DCP1B: variants seen among roughly 807,000 people sequenced by gnomAD.
DCP1B encodes the protein mRNA-decapping enzyme 1B.
A neutral mutation model predicts 60.5 loss-of-function variants in DCP1B; 47 were observed. That is an observed-to-expected ratio of 0.78 (90% CI 0.61 to 0.99). DCP1B has a LOEUF of 0.99. DCP1B is among the 50% of genes least tolerant of loss of function. DCP1B has a pLI of 0.00. For synonymous variants in DCP1B, 267 were observed against 280.3 expected (o/e 0.95, Z 0.47); for missense variants, 725 against 756.8 (o/e 0.96, Z 0.49).
At chr12:1,951,880 A>C (rs1029973610) in intron 7 of DCP1B, among the ~76,000 whole-genome samples, 25 of 152,220 alleles carry the variant, frequency 1.6e-4, no homozygotes, top group African/African-American at 6.0e-4. Context: ...AAGGCAGACC[A>C]TACTAAGTTC....
At chr12:1,983,941 T>G (rs1193852951) in intron 3 of DCP1B, among the ~76,000 whole-genome samples, 4 of 152,088 alleles carry the variant, frequency 2.6e-5, no homozygotes, top group Non-Finnish European at 5.9e-5. Context: ...ATAATTATTA[T>G]GCCTTTTGGA....
chr12:1,978,449 AAAG>A (rs2035091160), intron 3 of DCP1B, among the ~76,000 whole-genome samples: 1 of 152,232 alleles, frequency 6.6e-6, no homozygotes, highest in Non-Finnish European at 1.5e-5. Context: ...TCAGGAAAAT[AAAG>A]AAGGGTAAAA....
At chr12:1,967,623 AAATG>A (rs2031348855) in intron 4 of DCP1B, among the ~76,000 whole-genome samples, 2 of 152,254 alleles carry the variant, frequency 1.3e-5, no homozygotes, top group African/African-American at 4.8e-5. Context: ...ACACAGGAAA[AAATG>A]AATCATTCTA....
At chr12:1,946,413 G>A (rs2030425758) in intron 8 of DCP1B, 127 bp from the exon 9 acceptor site, 1 of 667,312 alleles carries the variant, frequency 1.5e-6, no homozygotes, top group African/African-American at 1.9e-5. Context: ...CTAACAGCTG[G>A]TGGTTTTTAA....
At chr12:1,976,020 C>T (rs1469002675) in intron 3 of DCP1B, among the ~76,000 whole-genome samples, 2 of 152,132 alleles carry the variant, frequency 1.3e-5, no homozygotes, top group Non-Finnish European at 1.5e-5. Flanking sequence ...AATAGAAATA[C>T]GAAATCCAGA....
At chr12:1,982,659 G>T (rs1432621238) in intron 3 of DCP1B, among the ~76,000 whole-genome samples, 4 of 152,224 alleles carry the variant, frequency 2.6e-5, no homozygotes, top group African/African-American at 9.6e-5. Flanking sequence ...TGGCTACTGT[G>T]AATAATGCTA....
chr12:1,970,915 C>T (rs1459395895), intron 3 of DCP1B: 3 of 331,110 alleles, frequency 9.1e-6, no homozygotes, highest in Admixed American at 8.5e-5. Flanking sequence ...AAACTTGCAG[C>T]GATACGATAC....
chr12:1,991,391 T>C (rs1393421785), intron 3 of DCP1B: 2 of 280,506 alleles, frequency 7.1e-6, no homozygotes, highest in Non-Finnish European at 1.4e-5. Context: ...TCAATAGAAA[T>C]ATGAGGGGAA....
At chr12:1,943,867 T>G (rs1294588537), downstream of DCP1B, among the ~76,000 whole-genome samples, 1 of 152,224 alleles carries the variant, frequency 6.6e-6, no homozygotes, top group Non-Finnish European at 1.5e-5. Context: ...GCATTCCCTT[T>G]GAAAACTGGC....
rs183962917 is a variant in DCP1B at position 1,984,751 on chromosome 12, G to A, written c.319+8513C>T. Among the ~76,000 whole-genome samples, 508 of 112,372 alleles carry A rather than the reference G, an allele frequency of 4.5e-3. 4 individuals are homozygous for A. Among genetic ancestry groups the A allele is most frequent in the Middle Eastern group, 8.3e-3 (1 of 120 alleles). The allele number at this position is 112,372 out of a possible 152,430, so 73.7% of individuals were successfully genotyped here. A position where few individuals can be genotyped will look rare whatever the true frequency, so the allele number is the denominator to read the frequency against. The stretch of plus-strand genomic sequence containing the variant: ...CTTCCAGCCTGAAGAATTTCTTTTA[G>A]CATTTATTCTACAGTGGGTCTTCTG... On this transcript the variant is annotated intron_variant, in intron 3 of 8. Transcript: ENST00000280665.
intron 8 of DCP1B, 55 bp from the exon 9 acceptor site, chr12:1,946,341 A>G (rs1278113711): frequency 2.8e-6 from 4 of 1,431,850 alleles, no homozygotes; most frequent in Non-Finnish European, 3.8e-6. Context: ...CAGACACAAA[A>G]GGCTTCCTCT....
chr12:1,946,064 G>T lies in DCP1B; in HGVS notation c.*142C>A, dbSNP rs1407160905. 3.4e-6 allele frequency: 2 copies of T among 595,920 alleles called. No homozygotes were observed. The highest frequency in any genetic ancestry group is 5.5e-6 in the Non-Finnish European group (2 of 360,432). 36.9% of individuals were successfully genotyped at this position (595,920 alleles called of 1,614,324 possible). On this transcript the variant is annotated 3_prime_UTR_variant, in exon 9 of 9. Coordinates refer to ENST00000280665, the MANE Select transcript of DCP1B (RefSeq NM_152640.5). ...AAAAAACACTTGAGTATAAAAAAAA[G>T]TCTGAAACATTTTACTTCATATTAC...
intron 3 of DCP1B, 67 bp downstream of exon 3, chr12:1,993,197 T>G: frequency 6.2e-7 from 1 of 1,607,452 alleles, no homozygotes; most frequent in Admixed American, 1.7e-5. Context: ...TGGCAAACAC[T>G]GTACAATTTT....
chr12:1,958,725 G>T, intron 5 of DCP1B, among the ~76,000 whole-genome samples: 1 of 140,714 alleles, frequency 7.1e-6, no homozygotes. Flanking sequence ...ACGTCGCTCT[G>T]GGCAATGACT....
intron 3 of DCP1B, among the ~76,000 whole-genome samples, chr12:1,980,889 T>C (rs2035937023): frequency 6.6e-6 from 1 of 152,018 alleles, no homozygotes; most frequent in South Asian, 2.1e-4. Context: ...TGAATAAACT[T>C]CTTAAATATC....
intron 3 of DCP1B, among the ~76,000 whole-genome samples, chr12:1,986,035 G>A (rs552847695): frequency 3.0e-4 from 46 of 152,222 alleles, no homozygotes; most frequent in Middle Eastern, 3.4e-3. Flanking sequence ...GGATGGTCTC[G>A]ATCTCCTGAC....
chr12:1,948,493 G>C lies in DCP1B; in HGVS notation c.1773+593C>G, dbSNP rs1285046609. The stretch of plus-strand genomic sequence containing the variant: ...AAATAGGGCCCGGCGCCAGCTCTGT[G>C]GAGTGTTAGCTATTATAGCACTCAT... On this transcript the variant is annotated intron_variant, in intron 8 of 8. Transcript: ENST00000280665. This position sits in a 1 kb window ranked among gnomAD's most constrained non-coding sequence, Gnocchi z 4.8. Among the ~76,000 whole-genome samples the C allele has an allele frequency of 1.3e-5, 2 of 152,230 alleles. No individual in the cohort carries two copies. Among genetic ancestry groups the C allele is most frequent in the Non-Finnish European group, 2.9e-5 (2 of 68,040 alleles).
intron 7 of DCP1B, among the ~76,000 whole-genome samples, chr12:1,951,462 G>A (rs2030666759): frequency 6.6e-6 from 1 of 152,184 alleles, no homozygotes; most frequent in South Asian, 2.1e-4. Flanking sequence ...AATAGCTTGT[G>A]GTTTCCTCAC....
rs2041960987 is a variant in DCP1B, at chr12:2,000,574, A to G, written c.151-2599T>C. On this transcript the variant is annotated intron_variant, in intron 1 of 8. Transcript: ENST00000280665. ...AATTAATCTCTAACTTATAACAAGT[A>G]ATTCTTAAAACTAAGATTTTTATTT... 2.6e-5 allele frequency among the ~76,000 whole-genome samples: 4 copies of G among 152,232 alleles called. No homozygotes were observed. The South Asian group carries it at 8.3e-4, about 31-fold the overall frequency.
Sources: gnomAD v4.1 joint callset for allele counts (sites outside exome capture counted in the v4.1 genomes callset) on GRCh38, gnomAD v4.1.1 for gene constraint, Gnocchi (gnomAD v3.1) non-coding constraint, MANE v1.5 for transcripts, NCBI Gene and HGNC (gene_info 2026-07-23, HGNC 2026-07-21) for gene names.